Variants in AP4S1 observed in about 807,000 individuals in gnomAD.
AP4S1 encodes AP-4 complex subunit sigma-1.
AP4S1 carries 23 observed loss-of-function variants against 19.8 expected under a neutral mutation model. The observed-to-expected ratio is 1.16, with a 90% CI of 0.84 to 1.65. The LOEUF is 1.65. AP4S1 is among the 40% of genes most tolerant of loss of function. The pLI is 0.00. For missense variants in AP4S1, 166 were observed against 172.8 expected (o/e 0.96, Z 0.22); for synonymous variants, 46 against 54.1 (o/e 0.85, Z 0.66).
intron 1 of AP4S1, among the ~76,000 whole-genome samples, chr14:31,053,251 T>G (rs1248125330): frequency 6.6e-6 from 1 of 152,210 alleles, no homozygotes; most frequent in Non-Finnish European, 1.5e-5. Flanking sequence ...TTGTGCTAAA[T>G]GTTTTTACAA....
intron 1 of AP4S1, among the ~76,000 whole-genome samples, chr14:31,059,116 T>C (rs1387117074): frequency 2.0e-5 from 3 of 152,216 alleles, no homozygotes; most frequent in South Asian, 4.1e-4. Context: ...GCATTGTATA[T>C]TCTATAGTAA....
chr14:31,063,649 C>T (rs142805598), intron 1 of AP4S1, among the ~76,000 whole-genome samples: 21 of 152,198 alleles, frequency 1.4e-4, no homozygotes, highest in African/African-American at 5.1e-4. Flanking sequence ...GACTGAGAAA[C>T]TGTCCCAGAC....
At chr14:31,078,287 T>C (rs904507918) in intron 4 of AP4S1, among the ~76,000 whole-genome samples, 5 of 152,226 alleles carry the variant, frequency 3.3e-5, no homozygotes, top group African/African-American at 1.2e-4. Context: ...GAGATAGGAA[T>C]GTTCTGTACC....
At chr14:31,033,305 C>A (rs1056132572) in intron 1 of AP4S1, among the ~76,000 whole-genome samples, 2 of 152,086 alleles carry the variant, frequency 1.3e-5, no homozygotes, top group Non-Finnish European at 2.9e-5. Flanking sequence ...CCTCTGCCTC[C>A]CGTGTTCAAA....
chr14:31,082,818 C>A (rs1228483723), intron 5 of AP4S1, among the ~76,000 whole-genome samples: 1 of 151,958 alleles, frequency 6.6e-6, no homozygotes, highest in African/African-American at 2.4e-5. Context: ...ATGGCGTGAA[C>A]CCGGGAGGCG....
intron 3 of AP4S1, among the ~76,000 whole-genome samples, chr14:31,071,198 A>G (rs1376717313): frequency 6.6e-6 from 1 of 152,194 alleles, no homozygotes; most frequent in Non-Finnish European, 1.5e-5. Context: ...AATCCCTGAA[A>G]GGATGTTTTA....
In AP4S1 at chr14:31,096,248, T is replaced by TC. The variant is rs1285180229; in HGVS notation, c.*3219dup. 6.6e-6 allele frequency: 1 copy of TC among 151,800 alleles called. No homozygotes were observed. 9.4% of individuals were successfully genotyped at this position (151,800 alleles called of 1,614,324 possible). Reference sequence around the variant, plus strand: ...CATTACAGAAGAGCAATGCACTGCATCCCCCCAAAACCTTTCTATATGCTT... The same window carrying TC: ...CATTACAGAAGAGCAATGCACTGCATCCCCCCCAAAACCTTTCTATATGCTT... On this transcript the variant is annotated 3_prime_UTR_variant, in exon 6 of 6. Transcript: ENST00000542754.
Position 31,066,293 on chromosome 14 carries a change from A to G in AP4S1, c.97A>G (p.Thr33Ala). 2 of 1,613,968 alleles carry G rather than the reference A, an allele frequency of 1.2e-6. No homozygotes were observed. The highest frequency in any genetic ancestry group is 1.7e-6 in the Non-Finnish European group (2 of 1,179,882). Residue 33 changes from threonine (T) to alanine (A), a missense_variant, in exon 2 of 6, where the codon ACA (threonine) becomes GCA (alanine). Physicochemically the swap from Thr to Ala is moderately conservative, Grantham distance 58 (BLOSUM62 0). Coordinates refer to ENST00000542754, the MANE Select transcript of AP4S1 (RefSeq NM_001128126.3). ...TATTAATAAGCGTACACTTCTGGAA[A>G]CAGAAGTCATAAAGAGCTGTCTCTC... ...VDINKRTLLE[T>A]EVIKSCLSRS...
intron 1 of AP4S1, among the ~76,000 whole-genome samples, chr14:31,063,167 A>C (rs767735630): frequency 9.2e-5 from 14 of 152,106 alleles, no homozygotes; most frequent in Non-Finnish European, 1.5e-4. Flanking sequence ...GCAGTGACTC[A>C]TGCCTGTAAT....
intron 1 of AP4S1, among the ~76,000 whole-genome samples, chr14:31,032,122 C>G (rs1884432612): frequency 6.6e-6 from 1 of 151,582 alleles, no homozygotes; most frequent in Non-Finnish European, 1.5e-5. Context: ...TGGCTCATGC[C>G]TATAATCCCA....
chr14:31,026,655 G>A (rs1373799799), intron 1 of AP4S1: 1 of 154,878 alleles, frequency 6.5e-6, no homozygotes, highest in Non-Finnish European at 1.4e-5. Context: ...CGCAGCTACC[G>A]GACACCTGGG....
chr14:31,039,665 C>T (rs1171766708), intron 1 of AP4S1, among the ~76,000 whole-genome samples: 4 of 151,396 alleles, frequency 2.6e-5, no homozygotes, highest in East Asian at 2.0e-4. Flanking sequence ...CTCCGCCTCC[C>T]GGGTTCACGC....
intron 1 of AP4S1, among the ~76,000 whole-genome samples, chr14:31,043,365 T>A (rs375961592): frequency 6.6e-6 from 1 of 152,162 alleles, no homozygotes; most frequent in East Asian, 1.9e-4. Flanking sequence ...CAAATATACT[T>A]TGAATCATAA....
At chr14:31,090,206 G>A (rs1402149201) in intron 5 of AP4S1, among the ~76,000 whole-genome samples, 2 of 152,002 alleles carry the variant, frequency 1.3e-5, no homozygotes, top group Non-Finnish European at 2.9e-5. Flanking sequence ...GGCTGGTCTC[G>A]ATCTCCTGAC....
rs555023026 is a variant in AP4S1 at position 31,058,303 on chromosome 14, GT to G, written c.-71-7820del. 3.7e-4 allele frequency among the ~76,000 whole-genome samples: 56 copies of G among 152,196 alleles called. No homozygotes were observed. The East Asian group carries it at 9.8e-3, about 27-fold the overall frequency. On this transcript the variant is annotated intron_variant, in intron 1 of 5. Coordinates refer to ENST00000542754, the MANE Select transcript of AP4S1 (RefSeq NM_001128126.3). ...TCATGCTAATCCAAGGAAAATGCTT[GT>G]TTGATTCCTGCTCTAAGTAACCTTA...
intron 4 of AP4S1, among the ~76,000 whole-genome samples, chr14:31,077,078 C>A (rs981114186): frequency 1.3e-5 from 2 of 151,938 alleles, no homozygotes; most frequent in African/African-American, 4.8e-5. Flanking sequence ...TACAGGCATG[C>A]GCCACCACGC....
Position 31,053,487 on chromosome 14 carries a change from T to C in AP4S1, c.-71-12639T>C, listed in dbSNP as rs551140651. ...AGAGAAGGAATGGGGGCCAAGGCAC[T>C]GGATCAAATGAAGGGAACCGAAAGC... On this transcript the variant is annotated intron_variant, in intron 1 of 5. Transcript: ENST00000542754. Among the ~76,000 whole-genome samples, 38 of 151,254 alleles carry C rather than the reference T, an allele frequency of 2.5e-4. No homozygotes were observed. The East Asian group carries it at 6.4e-3, about 26-fold the overall frequency.
At chr14:31,091,870 G>A (rs1888085996) in intron 5 of AP4S1, among the ~76,000 whole-genome samples, 1 of 152,146 alleles carries the variant, frequency 6.6e-6, no homozygotes, top group African/African-American at 2.4e-5. Context: ...TAACAGACCA[G>A]GATCATGCTC....
chr14:31,037,305 T>C (rs962041127), intron 1 of AP4S1, among the ~76,000 whole-genome samples: 1 of 152,224 alleles, frequency 6.6e-6, no homozygotes, highest in East Asian at 1.9e-4. Context: ...GGGATGTTTT[T>C]TCACATAGTT....
Sources: gnomAD v4.1 joint callset for allele counts (sites outside exome capture counted in the v4.1 genomes callset) on GRCh38, gnomAD v4.1.1 for gene constraint, MANE v1.5 for transcripts, NCBI Gene and HGNC (gene_info 2026-07-23, HGNC 2026-07-21) for gene names.